The following LTA4H variants were observed in gnomAD, a reference collection of about 807,000 sequenced individuals.
LTA4H encodes leukotriene A4 hydrolase.
LTA4H carries 59 observed loss-of-function variants against 89.8 expected under a neutral mutation model. The observed-to-expected ratio is 0.66, with a 90% CI of 0.53 to 0.82. The LOEUF (loss-of-function observed/expected upper bound fraction) is 0.82. Among genes scored for constraint, LTA4H ranks in the 40% least tolerant of loss-of-function variants. LTA4H has a pLI of 0.00. For missense variants in LTA4H, 617 were observed against 727.0 expected, an observed-to-expected ratio of 0.85 and a Z score of 1.74; for synonymous variants, 227 against 253.1, an observed-to-expected ratio of 0.90 and a Z score of 0.98.
At chr12:96,009,029 C>T (rs1273336793) in intron 15 of LTA4H, 65 bp downstream of exon 15, 3 of 1,207,602 alleles carry the variant, frequency 2.5e-6, no homozygotes, top group Non-Finnish European at 3.7e-6. Context: ...ACCCTCCCTG[C>T]TTCATGAGTA....
intron 1 of LTA4H, among the ~76,000 whole-genome samples, chr12:96,031,664 CCTT>C (rs1950575033): frequency 6.6e-6 from 1 of 152,288 alleles, no homozygotes; most frequent in Admixed American, 6.5e-5. Flanking sequence ...GTATCTGATT[CCTT>C]TTTTGCACAG....
chr12:96,009,269 A>G (rs975306777), intron 14 of LTA4H, 121 bp from the exon 15 acceptor site: 8 of 663,044 alleles, frequency 1.2e-5, no homozygotes, highest in African/African-American at 1.1e-4. Context: ...CAAACTCCAA[A>G]GTGAGGAAAA....
chr12:96,029,554 C>T (rs1350021133), intron 1 of LTA4H, among the ~76,000 whole-genome samples: 1 of 152,176 alleles, frequency 6.6e-6, no homozygotes, highest in Admixed American at 6.5e-5. Flanking sequence ...CAATACATTA[C>T]ACAATATATT....
chr12:96,035,828 G>T (rs1184209047), upstream of LTA4H, among the ~76,000 whole-genome samples: 1 of 152,130 alleles, frequency 6.6e-6, no homozygotes, highest in Non-Finnish European at 1.5e-5. Flanking sequence ...CAGTTAGAAG[G>T]GTGGCCGAAG....
At position 96,022,251 on chromosome 12, in the gene LTA4H, C is replaced by A. The variant is rs1950461921; in HGVS notation, c.481G>T (p.Val161Leu). The change falls in exon 5 of 19, where the codon GTG becomes TTG. Residue 161 changes from valine to leucine, a missense_variant and splice_region_variant. Physicochemically the swap from Val to Leu is conservative, Grantham distance 32. Transcript: ENST00000228740. This position sits in a 1 kb window ranked among gnomAD's most constrained non-coding sequence, Gnocchi z 4.0. ...PSVKLTYTAE[V>L]SVPKELVALM... ...GCCACCAGTTCTTTAGGGACAGACA[C>A]CTAATCAAGGAGAAAAATCATTTCT... is the stretch of plus-strand genomic sequence containing the variant. 1 of 1,592,712 alleles carries A rather than the reference C, an allele frequency of 6.3e-7. No individual in the cohort carries two copies. Among genetic ancestry groups the A allele is most frequent in the African/African-American group, 1.3e-5 (1 of 74,472 alleles).
chr12:96,004,071 CTAAG>C, intron 16 of LTA4H, 151 bp from the exon 17 acceptor site: 1 of 390,458 alleles, frequency 2.6e-6, no homozygotes, highest in Non-Finnish European at 4.3e-6. Flanking sequence ...AAATTGCACA[CTAAG>C]TAAATTCTGT....
chr12:96,038,176 T>C (rs1274160753), upstream of LTA4H, among the ~76,000 whole-genome samples: 5 of 152,140 alleles, frequency 3.3e-5, no homozygotes, highest in East Asian at 3.9e-4. Context: ...GGGTTTAGCA[T>C]GCTGGTATGG....
At chr12:96,008,248 G>A (rs150120528) in intron 15 of LTA4H, among the ~76,000 whole-genome samples, 1 of 152,118 alleles carries the variant, frequency 6.6e-6, no homozygotes, top group Non-Finnish European at 1.5e-5. Context: ...AGGAATAAAA[G>A]TATTCCTAAA....
rs1950105840 is a variant in LTA4H at position 96,001,678 on chromosome 12, AG to A, written c.1719-573del. ...AATTGAGAATAAAAGTCCTGACCAC[AG>A]TGAAATAATAAATACATAATAAATA... is the stretch of plus-strand genomic sequence containing the variant. On this transcript the variant is annotated intron_variant, in intron 18 of 18. Transcript: ENST00000228740. Among the ~76,000 whole-genome samples, 4 of 152,338 alleles carry A rather than the reference AG, an allele frequency of 2.6e-5. No homozygotes were observed. The South Asian group carries it at 8.3e-4, about 32-fold the overall frequency.
chr12:96,015,422 C>T (rs989202786), intron 11 of LTA4H, among the ~76,000 whole-genome samples, 161 bp downstream of exon 11: 8 of 152,176 alleles, frequency 5.3e-5, no homozygotes, highest in African/African-American at 9.7e-5. Flanking sequence ...GAACAGTGAA[C>T]AGTGTGGATC....
At position 96,002,972 on chromosome 12, in the gene LTA4H, CG is replaced by C. The variant is rs766934579; in HGVS notation, c.1705del (p.Arg569GlyfsTer31). 13 of 1,597,374 alleles carry C rather than the reference CG, an allele frequency of 8.1e-6. No individual in the cohort carries two copies. Among genetic ancestry groups the C allele is most frequent in the Non-Finnish European group, 1.1e-5 (13 of 1,170,912 alleles). ...AGTGGGTTCTTACTTGAATAAGGGC[CG>C]GGTAAACTTCATTCTTCCTTGTTCA... Reference protein sequence around the residue: ...ATEQGRMKFTRPLFKDLAAFD... With the variant: ...ATEQGRMKFTXPLFKDLAAFD... On this transcript the variant is annotated frameshift_variant, in exon 18 of 19. Transcript: ENST00000228740. LOFTEE classifies it high-confidence loss of function.
At chr12:96,037,809 G>C (rs1158646830), upstream of LTA4H, among the ~76,000 whole-genome samples, 1 of 149,296 alleles carries the variant, frequency 6.7e-6, no homozygotes. Flanking sequence ...TCTCCTGCCT[G>C]AGCCTCCAAG....
intron 15 of LTA4H, among the ~76,000 whole-genome samples, chr12:96,007,426 G>A (rs1950220111): frequency 6.6e-6 from 1 of 152,200 alleles, no homozygotes; most frequent in Non-Finnish European, 1.5e-5. Context: ...ACCTGGATGG[G>A]TCAGCAAGGA....
upstream of LTA4H, among the ~76,000 whole-genome samples, chr12:96,036,514 G>C (rs1011562422): frequency 6.6e-6 from 1 of 152,120 alleles, no homozygotes; most frequent in Non-Finnish European, 1.5e-5. Flanking sequence ...TATAAAATGC[G>C]GTATCAAAAC....
Position 96,006,303 on chromosome 12 carries a change from C to T in LTA4H, c.1530+11G>A. The T allele has an allele frequency of 6.4e-7, 1 of 1,556,738 alleles. No homozygotes were observed. The stretch of plus-strand genomic sequence containing the variant: ...CCATTTTAATTTCTAAGATTTTGAG[C>T]TAGTACTTACCCTCTGGAGCGTCTG... On this transcript the variant is annotated intron_variant, in intron 16 of 18. Coordinates refer to ENST00000228740, the MANE Select transcript of LTA4H (RefSeq NM_000895.3).
rs1178088581 is a variant in LTA4H at position 96,032,919 on chromosome 12, C to T, written c.159+2442G>A. ...CAAAAGTGATGAGAACACATGGATA[C>T]ACAGTGGGGAACACACACTGGGGCT... On this transcript the variant is annotated intron_variant, in intron 1 of 18. Transcript: ENST00000228740. 2.0e-5 allele frequency among the ~76,000 whole-genome samples: 3 copies of T among 152,040 alleles called. No homozygotes were observed. The East Asian group carries it at 5.8e-4, about 29-fold the overall frequency.
intron 8 of LTA4H, among the ~76,000 whole-genome samples, chr12:96,018,512 C>T (rs1283147596): frequency 6.6e-6 from 1 of 151,790 alleles, no homozygotes; most frequent in East Asian, 1.9e-4. Flanking sequence ...TGTGCCACTG[C>T]ACTCCAACCT....
chr12:96,011,243 G>A (rs766386516), intron 14 of LTA4H: 3 of 152,134 alleles, frequency 2.0e-5, no homozygotes, highest in Non-Finnish European at 4.4e-5. Context: ...CTGTCTTTTG[G>A]CTATATCAGG....
Position 96,035,410 on chromosome 12 carries a change from C to T in LTA4H, c.110G>A (p.Gly37Glu). The T allele has an allele frequency of 6.2e-7, 1 of 1,611,354 alleles. No homozygotes were observed. Among genetic ancestry groups the T allele is most frequent in the Non-Finnish European group, 8.5e-7 (1 of 1,178,928 alleles). The change falls in exon 1 of 19, where the codon GGG becomes GAG. Residue 37 changes from glycine (G) to glutamate (E), a missense_variant. Gly to Glu is a moderately conservative substitution (Grantham distance 98, BLOSUM62 -2). Coordinates refer to ENST00000228740, the MANE Select transcript of LTA4H (RefSeq NM_000895.3). ...AGACTGGACCGTGAGAGCAGCAGTC[C>T]CGGTCAGCGTCCGGCGAGTAAAGTC... ...SVDFTRRTLT[G>E]TAALTVQSQE...
Sources: allele counts gnomAD v4.1 joint callset (sites outside exome capture counted in the v4.1 genomes callset), GRCh38; gene constraint gnomAD v4.1.1; non-coding constraint Gnocchi (gnomAD v3.1); transcripts MANE v1.5; gene names NCBI Gene and HGNC (gene_info 2026-07-23, HGNC 2026-07-21).